Variants in SEMA3E observed in about 807,000 individuals in gnomAD.
The protein encoded by SEMA3E is semaphorin-3E.
In SEMA3E, 49 loss-of-function variants were observed where a neutral mutation model predicts 93.6. The observed-to-expected ratio is 0.52, with a 90% CI of 0.42 to 0.66. The LOEUF (loss-of-function observed/expected upper bound fraction) is 0.66. Among genes scored for constraint, SEMA3E ranks in the 30% least tolerant of loss-of-function variants. The pLI is 0.00. For missense variants in SEMA3E, 906 were observed against 964.8 expected (o/e 0.94, Z 0.81); for synonymous variants, 363 against 330.7 (o/e 1.10, Z -1.06).
chr7:83,585,164 C>T (rs974660140), intron 1 of SEMA3E, among the ~76,000 whole-genome samples: 9 of 152,190 alleles, frequency 5.9e-5, no homozygotes, highest in African/African-American at 1.7e-4. Context: ...TGTGCTTCTA[C>T]CTCTGCAACA....
intron 1 of SEMA3E, among the ~76,000 whole-genome samples, chr7:83,570,552 C>CAAAA (rs59715914): frequency 7.0e-4 from 23 of 33,066 alleles, no homozygotes; most frequent in African/African-American, 1.1e-3. Flanking sequence ...GACTCCGTCT[C>CAAAA]AAAAAAAAAA....
At chr7:83,613,524 A>T (rs1004764610) in intron 1 of SEMA3E, among the ~76,000 whole-genome samples, 3 of 152,068 alleles carry the variant, frequency 2.0e-5, no homozygotes, top group African/African-American at 7.2e-5. Flanking sequence ...TTGCATAAAG[A>T]AATGGGCCTA....
chr7:83,562,182 C>A (rs187907729), intron 1 of SEMA3E, among the ~76,000 whole-genome samples: 1 of 152,080 alleles, frequency 6.6e-6, no homozygotes, highest in East Asian at 1.9e-4. Context: ...GTTTTCTTAA[C>A]CTTAATTTAA....
chr7:83,390,346 A>C (rs1458305292), intron 14 of SEMA3E, among the ~76,000 whole-genome samples: 2 of 151,814 alleles, frequency 1.3e-5, no homozygotes, highest in African/African-American at 4.8e-5. Context: ...TTTCATTCTC[A>C]AAATTGCGTA....
intron 4 of SEMA3E, among the ~76,000 whole-genome samples, chr7:83,442,484 G>C (rs1422238962): frequency 1.3e-5 from 2 of 152,136 alleles, no homozygotes; most frequent in African/African-American, 4.8e-5. Context: ...TTTAGCCAAT[G>C]TAAATTTCTA....
intron 1 of SEMA3E, among the ~76,000 whole-genome samples, chr7:83,562,811 A>C (rs1340017101): frequency 6.6e-6 from 1 of 152,122 alleles, no homozygotes; most frequent in East Asian, 1.9e-4. Flanking sequence ...TCTCCAAAAA[A>C]GGAGAGAGAG....
intron 1 of SEMA3E, among the ~76,000 whole-genome samples, chr7:83,584,321 AAAGTTGTGCACTCTGT>A (rs1309786023): frequency 6.6e-6 from 1 of 152,140 alleles, no homozygotes; most frequent in African/African-American, 2.4e-5. Context: ...ACCAGACTCA[AAAGTTGTGCACTCTGT>A]CTATTGTCTA....
chr7:83,389,663 A>G (rs1787953880), intron 14 of SEMA3E, among the ~76,000 whole-genome samples: 1 of 151,044 alleles, frequency 6.6e-6, no homozygotes, highest in Admixed American at 6.6e-5. Context: ...ATGTATACAT[A>G]CACACATATA....
chr7:83,506,213 C>A (rs939533640), intron 1 of SEMA3E, among the ~76,000 whole-genome samples: 2 of 151,710 alleles, frequency 1.3e-5, no homozygotes, highest in African/African-American at 2.4e-5. Flanking sequence ...TGGAAGCAAC[C>A]TAAGCTTCCA....
chr7:83,491,067 C>T (rs1319336303), intron 1 of SEMA3E, among the ~76,000 whole-genome samples: 4 of 151,958 alleles, frequency 2.6e-5, no homozygotes, highest in African/African-American at 9.7e-5. Context: ...CTGAAGAGGC[C>T]CTTTGGCAAA....
intron 4 of SEMA3E, among the ~76,000 whole-genome samples, chr7:83,441,020 A>C (rs141885875): frequency 6.6e-6 from 1 of 152,324 alleles, no homozygotes; most frequent in East Asian, 1.9e-4. Context: ...GTTGTTTTGA[A>C]GAGACTTACT....
chr7:83,581,061 G>T (rs1462881113), intron 1 of SEMA3E, among the ~76,000 whole-genome samples: 1 of 151,840 alleles, frequency 6.6e-6, no homozygotes, highest in Non-Finnish European at 1.5e-5. Flanking sequence ...TTTGAAATGG[G>T]CTTATTATCC....
chr7:83,559,198 T>C (rs1177165935), intron 1 of SEMA3E, among the ~76,000 whole-genome samples: 3 of 152,108 alleles, frequency 2.0e-5, no homozygotes, highest in African/African-American at 7.2e-5. Context: ...AGCTACCTGC[T>C]TGAGCCTTGG....
chr7:83,467,292 C>G (rs369144542), intron 3 of SEMA3E, among the ~76,000 whole-genome samples: 1 of 152,214 alleles, frequency 6.6e-6, no homozygotes, highest in African/African-American at 2.4e-5. Flanking sequence ...GTCTCAAACT[C>G]CTGGGCTCAA....
At chr7:83,498,058 TAATA>T (rs2115586869) in intron 1 of SEMA3E, among the ~76,000 whole-genome samples, 1 of 145,326 alleles carries the variant, frequency 6.9e-6, no homozygotes, top group South Asian at 2.3e-4. Context: ...TACTTCTACT[TAATA>T]AATAGTAAAT....
chr7:83,510,171 G>A (rs1790788080), intron 1 of SEMA3E, among the ~76,000 whole-genome samples: 1 of 152,054 alleles, frequency 6.6e-6, no homozygotes, highest in African/African-American at 2.4e-5. Flanking sequence ...ATTGATCATT[G>A]ATGAGATTTA....
chr7:83,529,489 T>A (rs1382559152), intron 1 of SEMA3E, among the ~76,000 whole-genome samples: 1 of 152,162 alleles, frequency 6.6e-6, no homozygotes, highest in East Asian at 1.9e-4. Flanking sequence ...ATTCAATTCC[T>A]TATGAAGATT....
At position 83,535,326 on chromosome 7, in the gene SEMA3E, G is replaced by A. The variant is rs371316147; in HGVS notation, c.116-45052C>T. On this transcript the variant is annotated intron_variant, in intron 1 of 16. Transcript: ENST00000643230. The stretch of plus-strand genomic sequence containing the variant: ...ATGCTTCCTGCCTGAATCATTTGCT[G>A]TGCTTTTGTCAGTACATAAAGTAAG... 8.2e-4 allele frequency among the ~76,000 whole-genome samples: 124 copies of A among 152,110 alleles called. No homozygotes were observed. The Middle Eastern group carries it at 0.01, about 13-fold the overall frequency.
chr7:83,402,337 C>T (rs563927419), intron 10 of SEMA3E, among the ~76,000 whole-genome samples: 1 of 152,038 alleles, frequency 6.6e-6, no homozygotes, highest in African/African-American at 2.4e-5. Flanking sequence ...TCTGTTTTCA[C>T]CAGTACTTTT....
Sources: allele counts gnomAD v4.1 joint callset (sites outside exome capture counted in the v4.1 genomes callset), GRCh38; gene constraint gnomAD v4.1.1; transcripts MANE v1.5; gene names NCBI Gene and HGNC (gene_info 2026-07-23, HGNC 2026-07-21).